Variants in PTPRT observed in about 807,000 individuals in gnomAD.
PTPRT encodes the protein protein tyrosine phosphatase receptor type T, also known as receptor-type tyrosine-protein phosphatase T.
PTPRT carries 56 observed loss-of-function variants against 176.8 expected under a neutral mutation model. The observed-to-expected ratio is 0.32, with a 90% CI of 0.26 to 0.40. The LOEUF (loss-of-function observed/expected upper bound fraction) is 0.40. Among genes scored for constraint, PTPRT ranks in the 10% least tolerant of loss-of-function variants. The pLI is 1.00. For missense variants in PTPRT, 1,540 were observed against 1,908.2 expected (o/e 0.81, Z 3.60); for synonymous variants, 783 against 739.0 (o/e 1.06, Z -0.96).
chr20:42,168,184 AG>A (rs1484234712), intron 16 of PTPRT, among the ~76,000 whole-genome samples: 8 of 151,422 alleles, frequency 5.3e-5, no homozygotes, highest in African/African-American at 2.0e-4. Context: ...GAGGAGGAGG[AG>A]GAAGAAGAAA....
At chr20:42,764,552 A>G (rs1358574871) in intron 5 of PTPRT, among the ~76,000 whole-genome samples, 1 of 152,188 alleles carries the variant, frequency 6.6e-6, no homozygotes, top group Non-Finnish European at 1.5e-5. Flanking sequence ...ACCCAAGGTG[A>G]CAGGGCCATG....
intron 12 of PTPRT, among the ~76,000 whole-genome samples, chr20:42,296,191 T>C (rs2145287017): frequency 6.6e-6 from 1 of 152,342 alleles, no homozygotes; most frequent in East Asian, 1.9e-4. Context: ...CTTACGCCTG[T>C]AATCCCAGCA....
At position 42,513,924 on chromosome 20, in the gene PTPRT, T is replaced by A. The variant is rs188121497; in HGVS notation, c.1154-41362A>T. On this transcript the variant is annotated intron_variant, in intron 7 of 30. Transcript: ENST00000373187. ...CTAATATTCATTTTTCTCTGAACAG[T>A]ATGTGTGGAATTCATCCATTTTGAT... Among the ~76,000 whole-genome samples the A allele has an allele frequency of 1.3e-3, 197 of 152,294 alleles. 1 individual carries two copies. The highest frequency in any genetic ancestry group is 4.5e-3 in the African/African-American group (185 of 41,568).
At chr20:42,976,302 T>G (rs1418076414) in intron 1 of PTPRT, among the ~76,000 whole-genome samples, 1 of 152,162 alleles carries the variant, frequency 6.6e-6, no homozygotes, top group African/African-American at 2.4e-5. Flanking sequence ...CTGTATAAGT[T>G]TAATGAATAC....
chr20:42,756,287 T>C (rs2076831209), intron 6 of PTPRT, among the ~76,000 whole-genome samples, 175 bp downstream of exon 6: 1 of 152,254 alleles, frequency 6.6e-6, no homozygotes. Context: ...TGCATGATTT[T>C]ACCATAGTTT....
At chr20:42,195,722 T>A (rs370942837) in intron 16 of PTPRT, among the ~76,000 whole-genome samples, 14 of 152,354 alleles carry the variant, frequency 9.2e-5, no homozygotes, top group African/African-American at 3.4e-4. Context: ...TGAATGCATA[T>A]ATACAGTCAT....
chr20:42,865,068 C>T (rs533619254), intron 2 of PTPRT, among the ~76,000 whole-genome samples: 6 of 152,354 alleles, frequency 3.9e-5, no homozygotes, highest in African/African-American at 7.2e-5. Flanking sequence ...ACCACCTCCA[C>T]GTGCAGTCAA....
In PTPRT at chr20:42,569,081, AATATATATATAT is replaced by A. The variant is rs71335569; in HGVS notation, c.1154-96531_1154-96520del. Among the ~76,000 whole-genome samples the A allele has an allele frequency of 7.1e-4, 22 of 30,814 alleles. 1 individual carries two copies. The highest frequency in any genetic ancestry group is 8.9e-4 in the Non-Finnish European group (16 of 18,028). 20.2% of individuals were successfully genotyped at this position (30,814 alleles called of 152,430 possible). ...AAAAAAAAAAAAAAAAAAAAAAAAAAATATATATATATATATATATATATATATATAATTTCA... is the reference window on the plus strand; with the variant it reads ...AAAAAAAAAAAAAAAAAAAAAAAAAAATATATATATATATATATAATTTCA... On this transcript the variant is annotated intron_variant, in intron 7 of 30. Coordinates refer to ENST00000373187, the MANE Select transcript of PTPRT (RefSeq NM_007050.6).
intron 1 of PTPRT, among the ~76,000 whole-genome samples, chr20:42,914,770 G>A: frequency 6.6e-6 from 1 of 152,136 alleles, no homozygotes; most frequent in Non-Finnish European, 1.5e-5. Context: ...GGGATAAGTG[G>A]ATAGGGGTAT....
At chr20:42,545,528 T>C (rs1400693327) in intron 7 of PTPRT, among the ~76,000 whole-genome samples, 1 of 152,174 alleles carries the variant, frequency 6.6e-6, no homozygotes, top group African/African-American at 2.4e-5. Flanking sequence ...TTCCCCAGCC[T>C]ATCCTGAGGA....
At chr20:42,876,151 G>T (rs2145837815) in intron 2 of PTPRT, among the ~76,000 whole-genome samples, 1 of 152,110 alleles carries the variant, frequency 6.6e-6, no homozygotes, top group East Asian at 1.9e-4. Context: ...TAACTTATAT[G>T]TTCAAACTCA....
intron 2 of PTPRT, among the ~76,000 whole-genome samples, chr20:42,868,635 G>T (rs1415437117): frequency 6.6e-6 from 1 of 152,200 alleles, no homozygotes; most frequent in Non-Finnish European, 1.5e-5. Context: ...AATACCAACA[G>T]TGTGGCTGAG....
intron 13 of PTPRT, among the ~76,000 whole-genome samples, chr20:42,251,626 G>A (rs1422310232): frequency 4.6e-5 from 7 of 151,828 alleles, no homozygotes; most frequent in South Asian, 2.1e-4. Flanking sequence ...AAGGAAGACA[G>A]GCTGTAACCA....
intron 1 of PTPRT, among the ~76,000 whole-genome samples, chr20:43,059,872 A>G (rs12480476): frequency 0.093 from 14,198 of 152,080 alleles, 752 homozygotes; most frequent in Middle Eastern, 0.14. Flanking sequence ...CCAGCTACTC[A>G]GGAGGCTGAG....
At chr20:42,625,896 AT>A (rs1391155859) in intron 7 of PTPRT, among the ~76,000 whole-genome samples, 3 of 149,986 alleles carry the variant, frequency 2.0e-5, no homozygotes, top group African/African-American at 7.4e-5. Flanking sequence ...ATCCATTCTG[AT>A]TTTGATGAAA....
At chr20:42,180,823 G>A (rs182086495) in intron 16 of PTPRT, among the ~76,000 whole-genome samples, 35 of 152,294 alleles carry the variant, frequency 2.3e-4, no homozygotes, top group African/African-American at 8.2e-4. Context: ...GGCTTCAGAG[G>A]TGTCCGCATA....
At chr20:43,187,064 C>T (rs75779932) in intron 1 of PTPRT, among the ~76,000 whole-genome samples, 6,492 of 152,180 alleles carry the variant, frequency 0.043, 193 homozygotes, top group Non-Finnish European at 0.067. Flanking sequence ...TTCCAAAAAC[C>T]GTCGTGGCTC....
At chr20:42,751,350 C>T (rs1241141915) in intron 6 of PTPRT, among the ~76,000 whole-genome samples, 3 of 152,200 alleles carry the variant, frequency 2.0e-5, no homozygotes, top group Non-Finnish European at 2.9e-5. Context: ...AAACTAGCTA[C>T]TTTTCCTTTG....
intron 12 of PTPRT, among the ~76,000 whole-genome samples, chr20:42,289,201 G>T (rs891750442): frequency 1.3e-5 from 2 of 151,984 alleles, no homozygotes; most frequent in African/African-American, 4.8e-5. Context: ...ATACTCTCCT[G>T]GGCATTGGCC....
Sources: gnomAD v4.1 joint callset for allele counts (sites outside exome capture counted in the v4.1 genomes callset) on GRCh38, gnomAD v4.1.1 for gene constraint, MANE v1.5 for transcripts, NCBI Gene and HGNC (gene_info 2026-07-23, HGNC 2026-07-21) for gene names.